AGBL4: variants seen among roughly 807,000 people sequenced by gnomAD.
AGBL4 encodes the protein cytosolic carboxypeptidase 6.
In AGBL4, 58 loss-of-function variants were observed where a neutral mutation model predicts 66.4. The ratio of observed to expected loss-of-function variants is 0.87; its 90% confidence interval spans 0.71 to 1.09. The LOEUF (loss-of-function observed/expected upper bound fraction) is 1.09, where lower values mean the gene tolerates loss of function less well. AGBL4 is among the 50% of genes least tolerant of loss of function. The pLI, the probability that AGBL4 is intolerant of heterozygous loss-of-function variation, is 0.00. For synonymous variants in AGBL4, 234 were observed against 222.9 expected, an observed-to-expected ratio of 1.05 and a Z score of -0.44; for missense variants, 579 against 631.0, an observed-to-expected ratio of 0.92 and a Z score of 0.88.
At chr1:49,207,533 TTTTCTTTCTTTTCTTTC>T (rs1648283263) in intron 4 of AGBL4, among the ~76,000 whole-genome samples, 1 of 118,112 alleles carries the variant, frequency 8.5e-6, no homozygotes. Context: ...CTCTCTTTCT[TTTTCTTTCTTTTCTTTC>T]TTTCTTTCTT....
intron 3 of AGBL4, among the ~76,000 whole-genome samples, chr1:49,328,526 T>G (rs1394143331): frequency 6.6e-6 from 1 of 152,200 alleles, no homozygotes; most frequent in African/African-American, 2.4e-5. Flanking sequence ...GAGATCTCAT[T>G]TATTTTCATG....
chr1:48,907,638 A>G (rs920531782), intron 5 of AGBL4, among the ~76,000 whole-genome samples: 4 of 152,170 alleles, frequency 2.6e-5, no homozygotes, highest in African/African-American at 9.7e-5. Context: ...CACATCTGCA[A>G]TCTTTTGGGG....
chr1:48,827,748 C>G (rs913139334), intron 6 of AGBL4, among the ~76,000 whole-genome samples: 1 of 152,166 alleles, frequency 6.6e-6, no homozygotes, highest in African/African-American at 2.4e-5. Flanking sequence ...GGGAAATTTT[C>G]CACAGGCTGG....
intron 3 of AGBL4, among the ~76,000 whole-genome samples, chr1:49,573,146 C>CTG (rs57980631): frequency 0.11 from 14,707 of 136,514 alleles, 791 homozygotes; most frequent in Non-Finnish European, 0.14. Flanking sequence ...GTGTGTGTGT[C>CTG]TGTGTGTGTG....
intron 2 of AGBL4, among the ~76,000 whole-genome samples, chr1:49,708,992 G>C (rs1036762503): frequency 6.6e-6 from 1 of 152,106 alleles, no homozygotes; most frequent in African/African-American, 2.4e-5. Context: ...GGTGTCTATC[G>C]ACCCCTGCTG....
chr1:48,837,853 T>C (rs1349307573), intron 6 of AGBL4, among the ~76,000 whole-genome samples: 1 of 150,722 alleles, frequency 6.6e-6, no homozygotes, highest in Non-Finnish European at 1.5e-5. Context: ...AAGAGCTCTG[T>C]AGAACATAGG....
intron 2 of AGBL4, among the ~76,000 whole-genome samples, chr1:49,717,120 CTATA>C (rs1228938527): frequency 2.0e-5 from 3 of 152,038 alleles, no homozygotes; most frequent in Non-Finnish European, 4.4e-5. Flanking sequence ...ACAAGCATTC[CTATA>C]CACCATTAAT....
At position 49,953,102 on chromosome 1, in the gene AGBL4, C is replaced by A. The variant is rs925640582; in HGVS notation, c.34+70661G>T. Reference sequence around the variant, plus strand: ...ATAAAAGAAGAATGATAGCCATGAACAGAAGCAAGAAGTTTGCAACAATAT... The same window carrying A: ...ATAAAAGAAGAATGATAGCCATGAAAAGAAGCAAGAAGTTTGCAACAATAT... On this transcript the variant is annotated intron_variant, in intron 1 of 13. Coordinates refer to ENST00000371839, the MANE Select transcript of AGBL4 (RefSeq NM_032785.4). Among the ~76,000 whole-genome samples, 5 of 152,056 alleles carry A rather than the reference C, an allele frequency of 3.3e-5. No homozygotes were observed. The South Asian group carries it at 1.0e-3, about 31-fold the overall frequency.
chr1:49,666,422 C>T (rs1302674289), intron 3 of AGBL4, among the ~76,000 whole-genome samples: 1 of 151,738 alleles, frequency 6.6e-6, no homozygotes, highest in Non-Finnish European at 1.5e-5. Flanking sequence ...ACAAATTAGC[C>T]AGGGGTGGTG....
At chr1:49,573,146 CTG>C (rs57980631) in intron 3 of AGBL4, among the ~76,000 whole-genome samples, 24,517 of 136,350 alleles carry the variant, frequency 0.18, 2,060 homozygotes, top group African/African-American at 0.23. Flanking sequence ...GTGTGTGTGT[CTG>C]TGTGTGTGTG....
At chr1:49,791,190 T>A (rs1348987865) in intron 2 of AGBL4, among the ~76,000 whole-genome samples, 3 of 152,152 alleles carry the variant, frequency 2.0e-5, no homozygotes, top group Non-Finnish European at 4.4e-5. Flanking sequence ...TTGTTAGCCC[T>A]AGAGCAACTG....
At chr1:48,816,825 G>T (rs891866801) in intron 6 of AGBL4, among the ~76,000 whole-genome samples, 1 of 152,164 alleles carries the variant, frequency 6.6e-6, no homozygotes, top group Admixed American at 6.5e-5. Context: ...AGATATCATA[G>T]TATGCAGTAG....
intron 1 of AGBL4, among the ~76,000 whole-genome samples, chr1:50,000,777 A>G (rs1161397266): frequency 6.6e-6 from 1 of 152,224 alleles, no homozygotes; most frequent in Non-Finnish European, 1.5e-5. Context: ...AGCAACCTGG[A>G]CAAAATTATT....
At chr1:49,333,492 A>T (rs1478154387) in intron 3 of AGBL4, among the ~76,000 whole-genome samples, 1 of 152,086 alleles carries the variant, frequency 6.6e-6, no homozygotes, top group Non-Finnish European at 1.5e-5. Flanking sequence ...CCCCCCAAAA[A>T]CAAACAAACA....
At chr1:50,014,639 C>A (rs968792973) in intron 1 of AGBL4, among the ~76,000 whole-genome samples, 7 of 150,622 alleles carry the variant, frequency 4.6e-5, no homozygotes, top group African/African-American at 1.7e-4. Context: ...ATTCTCCTGC[C>A]TCAACCTCCT....
At chr1:49,574,511 C>G (rs1297242572) in intron 3 of AGBL4, among the ~76,000 whole-genome samples, 1 of 152,098 alleles carries the variant, frequency 6.6e-6, no homozygotes, top group Non-Finnish European at 1.5e-5. Flanking sequence ...CTACTCATTC[C>G]AGCTGAGAGG....
chr1:49,597,533 A>G (rs1325819691), intron 3 of AGBL4, among the ~76,000 whole-genome samples: 1 of 152,240 alleles, frequency 6.6e-6, no homozygotes, highest in African/African-American at 2.4e-5. Context: ...GACATGGCAC[A>G]TTCATCAGGT....
At chr1:49,147,203 T>G (rs1047079192) in intron 4 of AGBL4, among the ~76,000 whole-genome samples, 1 of 152,130 alleles carries the variant, frequency 6.6e-6, no homozygotes, top group African/African-American at 2.4e-5. Flanking sequence ...CTGGAGACTC[T>G]GGGGTAGGAC....
At chr1:49,146,511 G>A (rs767615923) in intron 4 of AGBL4, among the ~76,000 whole-genome samples, 8 of 152,220 alleles carry the variant, frequency 5.3e-5, no homozygotes, top group African/African-American at 1.9e-4. Context: ...TCTAATGAAT[G>A]AGTGAGGAAA....
Sources: gnomAD v4.1 joint callset for allele counts (sites outside exome capture counted in the v4.1 genomes callset) on GRCh38, gnomAD v4.1.1 for gene constraint, MANE v1.5 for transcripts, NCBI Gene and HGNC (gene_info 2026-07-23, HGNC 2026-07-21) for gene names.